Variants in NBPF8 observed in about 807,000 individuals in gnomAD.
NBPF8 encodes NBPF member 8.
chr1:120,462,342 A>G (rs1366665534), intron 20 of NBPF8, 145 bp downstream of exon 18: 3 of 690,430 alleles, frequency 4.3e-6, no homozygotes, highest in Non-Finnish European at 7.8e-6. Flanking sequence ...TTCATTGCAG[A>G]AGATGTTTAG....
At chr1:120,428,738 T>A (rs12086328) in intron 3 of NBPF8, among the ~76,000 whole-genome samples, 1 of 146,000 alleles carries the variant, frequency 6.8e-6, no homozygotes, top group East Asian at 1.9e-4. Context: ...CCTCAGCCTG[T>A]CAGTCTCTGT....
chr1:120,428,109 C>T (rs1378512799), intron 3 of NBPF8, among the ~76,000 whole-genome samples: 2 of 151,898 alleles, frequency 1.3e-5, no homozygotes, highest in African/African-American at 2.4e-5. Flanking sequence ...GCCTTGTTTC[C>T]TTTTTAAGAT....
chr1:120,434,593 G>A (rs1661020848), upstream of NBPF8, among the ~76,000 whole-genome samples: 1 of 151,558 alleles, frequency 6.6e-6, no homozygotes, highest in Non-Finnish European at 1.5e-5. Context: ...ACCCATGAGT[G>A]AGAACATGCT....
chr1:120,431,844 C>T (rs1660888343), upstream of NBPF8, among the ~76,000 whole-genome samples: 3 of 148,868 alleles, frequency 2.0e-5, no homozygotes, highest in African/African-American at 7.3e-5. Context: ...GCTGCTATTT[C>T]TCATGGCTCA....
chr1:120,430,591 A>G (rs1431991276), intron 3 of NBPF8, among the ~76,000 whole-genome samples: 1 of 140,690 alleles, frequency 7.1e-6, no homozygotes, highest in East Asian at 1.9e-4. Flanking sequence ...CATCTCTACT[A>G]AAAATACAAA....
chr1:120,450,099 T>A (rs1242297034), intron 11 of NBPF8, among the ~76,000 whole-genome samples: 40 of 152,044 alleles, frequency 2.6e-4, no homozygotes, highest in African/African-American at 8.9e-4. Flanking sequence ...TGGTGGCAGG[T>A]GACTGTAATC....
upstream of NBPF8, among the ~76,000 whole-genome samples, chr1:120,434,276 GTATATACACGTATTATATA>G (rs1184722278): frequency 1.6e-5 from 1 of 60,732 alleles, no homozygotes; most frequent in East Asian, 3.8e-4. Context: ...TGTATATTAT[GTATATACACGTATTATATA>G]TATATACACG....
intron 15 of NBPF8, 132 bp downstream of exon 13, chr1:120,454,246 T>C (rs1570940644): frequency 6.4e-7 from 1 of 1,553,040 alleles, no homozygotes; most frequent in African/African-American, 1.4e-5. Context: ...TATCAGGGAG[T>C]TTTTTTGTCC....
intron 19 of NBPF8, 140 bp from the exon 18 acceptor site, chr1:120,462,006 G>A (rs1422050313): frequency 5.3e-5 from 19 of 356,006 alleles, no homozygotes; most frequent in Non-Finnish European, 8.3e-5. Flanking sequence ...CAGCCTTCAG[G>A]CCTCCTGAAG....
chr1:120,420,288 G>A (rs2660552), intron 1 of NBPF8, among the ~76,000 whole-genome samples, 170 bp downstream of exon 2: 62,538 of 150,930 alleles, frequency 0.41, 13,640 homozygotes, highest in African/African-American at 0.49. Flanking sequence ...TATTCACAGC[G>A]TGTGCCACCC....
chr1:120,434,518 C>T (rs1415379310), upstream of NBPF8, among the ~76,000 whole-genome samples: 3 of 149,002 alleles, frequency 2.0e-5, no homozygotes, highest in Admixed American at 2.0e-4. Flanking sequence ...GCCCTCACCC[C>T]ATGACAGGCC....
chr1:120,420,367 C>A (rs1241882397), intron 1 of NBPF8, among the ~76,000 whole-genome samples: 6 of 144,314 alleles, frequency 4.2e-5, no homozygotes, highest in Non-Finnish European at 9.0e-5. Context: ...CTCTCCAGGA[C>A]TTTTCCTTAG....
upstream of NBPF8, chr1:120,433,730 G>A (rs1482520934): frequency 8.3e-3 from 1,691 of 204,928 alleles, 33 homozygotes; most frequent in African/African-American, 0.038. Context: ...TACCTTCTTT[G>A]CCCATCAGCA....
In NBPF8 at chr1:120,464,565, GA is replaced by G. The variant is rs1661690819; in HGVS notation, n.3459+19del. On this transcript the variant is annotated intron_variant and non_coding_transcript_variant, in intron 23 of 24. Transcript: ENST00000583271. ...ACGTGGGAGGTGAGTACCTTTCTATGAAGGTGATAAGGATCCACTGAGTCTT... is the reference window on the plus strand; with the variant it reads ...ACGTGGGAGGTGAGTACCTTTCTATGAGGTGATAAGGATCCACTGAGTCTT... The G allele has an allele frequency of 2.6e-6, 2 of 771,544 alleles. No individual in the cohort carries two copies. Among genetic ancestry groups the G allele is most frequent in the Admixed American group, 3.4e-5 (2 of 58,524 alleles). The allele number at this position is 771,544 out of a possible 1,614,324, so 47.8% of individuals were successfully genotyped here.
intron 11 of NBPF8, among the ~76,000 whole-genome samples, chr1:120,450,137 G>T (rs1166206395): frequency 2.0e-5 from 3 of 152,118 alleles, no homozygotes; most frequent in African/African-American, 7.2e-5. Flanking sequence ...TGAGGCAGGA[G>T]AATCCTTTGA....
chr1:120,436,310 G>C, upstream of NBPF8: 1 of 1,500,014 alleles, frequency 6.7e-7, no homozygotes, highest in South Asian at 1.3e-5. Context: ...TCAGCTCTGA[G>C]TTGAGGCACC....
At position 120,459,250 on chromosome 1, in the gene NBPF8, T is replaced by C. The variant is rs1300890875; in HGVS notation, n.2621-117T>C. On this transcript the variant is annotated intron_variant and non_coding_transcript_variant, in intron 16 of 24. Coordinates refer to ENST00000583271, the Ensembl canonical transcript of NBPF8. ...AGTTTTATTTCTCTTGAAGGAAAAA[T>C]GCCTTTGGTTTCTGTGACCACTCCA... 1.9e-5 allele frequency: 11 copies of C among 580,542 alleles called. No homozygotes were observed. In the African/African-American group the frequency reaches 2.3e-4, roughly 12 times the overall value. 36.0% of individuals were successfully genotyped at this position (580,542 alleles called of 1,614,324 possible).
At chr1:120,433,036 A>C (rs1660928903), upstream of NBPF8, 1 of 152,234 alleles carries the variant, frequency 6.6e-6, no homozygotes, top group African/African-American at 2.4e-5. Flanking sequence ...TGAAGCAGGT[A>C]CAAGGCCCCT....
At chr1:120,464,844 A>C (rs1661700998) in intron 23 of NBPF8, among the ~76,000 whole-genome samples, 1 of 130,466 alleles carries the variant, frequency 7.7e-6, no homozygotes, top group Non-Finnish European at 1.6e-5. Flanking sequence ...TTTTGACTCA[A>C]GGGTTTGTAG....
Sources: allele counts gnomAD v4.1 joint callset (sites outside exome capture counted in the v4.1 genomes callset), GRCh38; gene constraint gnomAD v4.1.1; transcripts MANE v1.5; gene names NCBI Gene and HGNC (gene_info 2026-07-23, HGNC 2026-07-21).